MTRFR: variants seen among roughly 807,000 people sequenced by gnomAD.
MTRFR encodes mitochondrial translation release factor in rescue.
Under a neutral mutation model 11.9 loss-of-function variants are expected in MTRFR, and 10 were observed. The observed-to-expected ratio is 0.84, with a 90% CI of 0.52 to 1.42. MTRFR has a LOEUF of 1.42. MTRFR is among the 40% of genes most tolerant of loss of function. MTRFR has a pLI of 0.00. For missense variants in MTRFR, 196 were observed against 197.9 expected (o/e 0.99, Z 0.06); for synonymous variants, 77 against 79.1 (o/e 0.97, Z 0.14).
intron 2 of MTRFR, chr12:123,254,955 G>A (rs1428314996): frequency 6.6e-6 from 1 of 151,792 alleles, no homozygotes; most frequent in African/African-American, 2.4e-5. Context: ...AAAGAAGGTT[G>A]GTCAGAGGGG....
chr12:123,236,486 G>C (rs2047851966), intron 1 of MTRFR, among the ~76,000 whole-genome samples: 1 of 151,896 alleles, frequency 6.6e-6, no homozygotes, highest in Admixed American at 6.6e-5. Flanking sequence ...CCAGCTACTG[G>C]GGAGGCTGAG....
At chr12:123,251,637 G>C (rs1269428898) in intron 1 of MTRFR, 1 of 152,790 alleles carries the variant, frequency 6.5e-6, no homozygotes, top group Admixed American at 6.5e-5. Flanking sequence ...GTTCGGGAGA[G>C]GAGGATCTCC....
chr12:123,244,661 C>G (rs2048007033), intron 1 of MTRFR, among the ~76,000 whole-genome samples: 1 of 152,112 alleles, frequency 6.6e-6, no homozygotes, highest in South Asian at 2.1e-4. Context: ...GAGACAGAGT[C>G]TCGCTCTGTC....
chr12:123,256,279 TTTAAG>T (rs1240505833), intron 2 of MTRFR, among the ~76,000 whole-genome samples: 54 of 152,344 alleles, frequency 3.5e-4, no homozygotes, highest in African/African-American at 1.2e-3. Context: ...ATTTTGCGAC[TTTAAG>T]TTATTTGAAG....
rs1207537130 is a variant in MTRFR at position 123,253,889 on chromosome 12, G to T, written c.215G>T (p.Gly72Val). ...TTTGTGAAAGGACACGGTCCAGGGG[G>T]CCAGGCAACCAACAAAACCAGCAAC... is the stretch of plus-strand genomic sequence containing the variant. ...EQFVKGHGPG[G>V]QATNKTSNCV... Residue 72 changes from glycine to valine, a missense_variant, in exon 2 of 3, where the codon GGC (glycine) becomes GTC (valine). Physicochemically the swap from Gly to Val is moderately radical, Grantham distance 109. Transcript: ENST00000253233. 2 of 1,614,192 alleles carry T rather than the reference G, an allele frequency of 1.2e-6. No individual in the cohort carries two copies. The highest frequency in any genetic ancestry group is 8.5e-7 in the Non-Finnish European group (1 of 1,180,032).
chr12:123,252,961 A>G (rs549060110), intron 1 of MTRFR, among the ~76,000 whole-genome samples: 3 of 151,320 alleles, frequency 2.0e-5, no homozygotes, highest in Admixed American at 2.0e-4. Context: ...TCATCTTTAC[A>G]TTTTGATTTC....
chr12:123,242,183 T>C (rs1284535763), intron 1 of MTRFR, among the ~76,000 whole-genome samples: 1 of 152,168 alleles, frequency 6.6e-6, no homozygotes, highest in Admixed American at 6.5e-5. Context: ...ACTGAAGCAA[T>C]GACAGGAGCT....
chr12:123,249,153 A>C (rs1326885729), intron 1 of MTRFR: 9 of 152,318 alleles, frequency 5.9e-5, no homozygotes, highest in Admixed American at 5.9e-4. Context: ...GTGTATTTAC[A>C]AACCTTGAGC....
rs796461131 is a variant in MTRFR, at chr12:123,257,281, G to A, written c.*250G>A. On this transcript the variant is annotated 3_prime_UTR_variant, in exon 3 of 3. Transcript: ENST00000253233. ...TGTAATCCCAGCACTTTGGGAGGCCGAGGCGGGCGGATCACTTGAGGTCAG... is the reference window on the plus strand; with the variant it reads ...TGTAATCCCAGCACTTTGGGAGGCCAAGGCGGGCGGATCACTTGAGGTCAG... The A allele has an allele frequency of 7.9e-5, 33 of 420,234 alleles. No homozygotes were observed. The highest frequency in any genetic ancestry group is 5.5e-4 in the African/African-American group (27 of 49,462). The allele number at this position is 420,234 out of a possible 1,614,324, so 26.0% of individuals were successfully genotyped here. A position where few individuals can be genotyped will look rare whatever the true frequency, so the allele number is the denominator to read the frequency against.
intron 1 of MTRFR, chr12:123,248,276 A>C (rs2048069158): frequency 6.6e-6 from 1 of 152,190 alleles, no homozygotes; most frequent in Admixed American, 6.5e-5. Flanking sequence ...TTGTTTGAGG[A>C]GGCTGAACAT....
In MTRFR at chr12:123,257,290, G is replaced by A. The variant is rs537693587; in HGVS notation, c.*259G>A. ...AGCACTTTGGGAGGCCGAGGCGGGCGGATCACTTGAGGTCAGGAGTTTGAG... is the reference window on the plus strand; with the variant it reads ...AGCACTTTGGGAGGCCGAGGCGGGCAGATCACTTGAGGTCAGGAGTTTGAG... On this transcript the variant is annotated 3_prime_UTR_variant, in exon 3 of 3. Transcript: ENST00000253233. 41 of 398,310 alleles carry A rather than the reference G, an allele frequency of 1.0e-4. No individual in the cohort carries two copies. Among genetic ancestry groups the A allele is most frequent in the African/African-American group, 7.8e-4 (38 of 48,702 alleles). 24.7% of individuals were successfully genotyped at this position (398,310 alleles called of 1,614,324 possible).
At chr12:123,243,726 TAGC>T (rs2047987802) in intron 1 of MTRFR, 1 of 151,894 alleles carries the variant, frequency 6.6e-6, no homozygotes, top group African/African-American at 2.4e-5. Context: ...AAAAAAGAAA[TAGC>T]AGAAGTAGAG....
chr12:123,253,684 G>A lies in MTRFR; in HGVS notation c.10G>A (p.Val4Met), dbSNP rs752442017. 30 of 1,613,984 alleles carry A rather than the reference G, an allele frequency of 1.9e-5. No individual in the cohort carries two copies. Among genetic ancestry groups the A allele is most frequent in the South Asian group, 4.4e-5 (4 of 91,080 alleles). MST[V>M]GLFHFPTPLT... is the part of the protein sequence containing the mutation. ...CAGAGCCACGTTCCTTATGAGCACC[G>A]TGGGTTTATTTCATTTTCCTACACC... The change falls in exon 2 of 3, where the codon GTG (valine) becomes ATG (methionine). Residue 4 changes from valine to methionine, a missense_variant. Coordinates refer to ENST00000253233, the MANE Select transcript of MTRFR (RefSeq NM_152269.5).
At chr12:123,251,874 G>A (rs1054497429) in intron 1 of MTRFR, among the ~76,000 whole-genome samples, 11 of 152,174 alleles carry the variant, frequency 7.2e-5, no homozygotes, top group African/African-American at 2.7e-4. Context: ...GAGCTCCCAT[G>A]CAAATAAATT....
At chr12:123,250,227 T>G (rs4268544) in intron 1 of MTRFR, 96,989 of 152,136 alleles carry the variant, frequency 0.64, 35,455 homozygotes, top group East Asian at 1. Context: ...CTGAATTTTT[T>G]ATTGTTTTTT....
At chr12:123,253,541 T>C (rs2048141639) in intron 1 of MTRFR, 106 bp from the exon 2 acceptor site, 1 of 1,081,942 alleles carries the variant, frequency 9.2e-7, no homozygotes, top group African/African-American at 1.6e-5. Context: ...CGGTAACAGA[T>C]GGGTCATCAT....
At position 123,254,310 on chromosome 12, in the gene MTRFR, A is replaced by C. The variant is rs114773449; in HGVS notation, c.282+354A>C. ...GGCTGATAAAGGCAGGCGCCCGGGC[A>C]GCATGGTTCTTTCAAATCCGTTCCC... is the stretch of plus-strand genomic sequence containing the variant. On this transcript the variant is annotated intron_variant, in intron 2 of 2. Transcript: ENST00000253233. 8.6e-3 allele frequency: 2,297 copies of C among 268,140 alleles called. 39 individuals are homozygous for C. The highest frequency in any genetic ancestry group is 0.045 in the African/African-American group (2,058 of 45,586). 16.6% of individuals were successfully genotyped at this position (268,140 alleles called of 1,614,324 possible).
At chr12:123,251,812 G>C (rs1328650422) in intron 1 of MTRFR, among the ~76,000 whole-genome samples, 2 of 152,200 alleles carry the variant, frequency 1.3e-5, no homozygotes, top group African/African-American at 4.8e-5. Flanking sequence ...TCTGCATGCT[G>C]CTCTGTCTGA....
At chr12:123,252,520 T>C (rs2048125997) in intron 1 of MTRFR, 1 of 151,966 alleles carries the variant, frequency 6.6e-6, no homozygotes, top group Admixed American at 6.6e-5. Flanking sequence ...AGGGAACAGA[T>C]GTTCACATTC....
Sources: allele counts gnomAD v4.1 joint callset (sites outside exome capture counted in the v4.1 genomes callset), GRCh38; gene constraint gnomAD v4.1.1; transcripts MANE v1.5; gene names NCBI Gene and HGNC (gene_info 2026-07-23, HGNC 2026-07-21).